Variants in HPCAL1 observed in about 807,000 individuals in gnomAD.
HPCAL1 encodes hippocalcin-like protein 1.
A neutral mutation model predicts 17.1 loss-of-function variants in HPCAL1; 8 were observed. The ratio of observed to expected loss-of-function variants is 0.47; its 90% CI spans 0.27 to 0.84. The LOEUF (loss-of-function observed/expected upper bound fraction) is 0.84. Among genes scored for constraint, HPCAL1 ranks in the 40% least tolerant of loss-of-function variants. The pLI is 0.13. For synonymous variants in HPCAL1, 112 were observed against 111.4 expected, an observed-to-expected ratio of 1.01 and a Z score of -0.03; for missense variants, 165 against 271.1, an observed-to-expected ratio of 0.61 and a Z score of 2.75.
At chr2:10,340,139 C>T (rs1664987076) in intron 1 of HPCAL1, among the ~76,000 whole-genome samples, 2 of 152,214 alleles carry the variant, frequency 1.3e-5, no homozygotes, top group Non-Finnish European at 2.9e-5. Flanking sequence ...ATCCCTGCCT[C>T]GGCTCCTCCC....
intron 2 of HPCAL1, among the ~76,000 whole-genome samples, chr2:10,418,432 G>A (rs959513700): frequency 2.1e-4 from 24 of 114,632 alleles, no homozygotes; most frequent in Admixed American, 3.3e-4. Flanking sequence ...GGGCAACACA[G>A]TGAGACTCCA....
chr2:10,398,371 T>C (rs1174233533), intron 2 of HPCAL1, among the ~76,000 whole-genome samples: 2 of 152,346 alleles, frequency 1.3e-5, no homozygotes, highest in East Asian at 3.9e-4. Context: ...AGATGCTCTT[T>C]ATAATTTTCA....
At position 10,331,336 on chromosome 2, in the gene HPCAL1, C is replaced by A. The variant is rs529490602; in HGVS notation, c.-111+28159C>A. The stretch of plus-strand genomic sequence containing the variant: ...GAGCGCCCTCTCCTTCCTCACCTCG[C>A]CACCTACGCATCGTCACCCCTCCTC... On this transcript the variant is annotated intron_variant, in intron 1 of 4. Transcript: ENST00000307845. This position sits in a 1 kb window ranked among gnomAD's most constrained non-coding sequence, Gnocchi z 5.0. Among the ~76,000 whole-genome samples the A allele has an allele frequency of 1.5e-4, 23 of 152,274 alleles. No homozygotes were observed. The highest frequency in any genetic ancestry group is 3.4e-3 in the Middle Eastern group (1 of 294).
intron 1 of HPCAL1, among the ~76,000 whole-genome samples, chr2:10,349,142 A>G (rs1283386244): frequency 1.3e-5 from 2 of 152,134 alleles, no homozygotes. Flanking sequence ...GCGTTTCCAA[A>G]TTTCTTCCCT....
intron 1 of HPCAL1, among the ~76,000 whole-genome samples, chr2:10,371,842 C>T (rs990638409): frequency 2.6e-4 from 39 of 152,286 alleles, no homozygotes; most frequent in African/African-American, 8.7e-4. Context: ...CCCTTGGGGA[C>T]GTCTGGCTTT....
chr2:10,364,551 G>A (rs1454739405), intron 1 of HPCAL1, among the ~76,000 whole-genome samples: 9 of 152,060 alleles, frequency 5.9e-5, no homozygotes, highest in East Asian at 3.9e-4. Context: ...TTCCCTCCCC[G>A]GCCCTGACGG....
At chr2:10,383,372 C>CT (rs1354645892) in intron 1 of HPCAL1, among the ~76,000 whole-genome samples, 1 of 151,482 alleles carries the variant, frequency 6.6e-6, no homozygotes, top group South Asian at 2.1e-4. Context: ...ACCCACCCCC[C>CT]TTTTTTTTCA....
intron 1 of HPCAL1, among the ~76,000 whole-genome samples, chr2:10,332,489 G>A (rs923487739): frequency 2.6e-5 from 4 of 152,176 alleles, no homozygotes; most frequent in Non-Finnish European, 5.9e-5. Flanking sequence ...GGTGGGCAAG[G>A]CAGGGTGGGA....
chr2:10,399,484 T>C (rs867998228), intron 2 of HPCAL1, among the ~76,000 whole-genome samples: 2,046 of 34,144 alleles, frequency 0.06, 75 homozygotes, highest in African/African-American at 0.11. Context: ...ATCACCACCA[T>C]CACCGCCACC....
intron 1 of HPCAL1, among the ~76,000 whole-genome samples, chr2:10,376,104 A>T (rs1224475780): frequency 6.6e-6 from 1 of 152,160 alleles, no homozygotes; most frequent in African/African-American, 2.4e-5. Context: ...GCCATGTGAC[A>T]CATTGGCTCC....
chr2:10,419,879 G>T lies in HPCAL1; in HGVS notation c.122G>T (p.Gly41Val). The change falls in exon 3 of 5, where the codon GGC (glycine) becomes GTC (valine). Residue 41 changes from glycine to valine, a missense_variant. Physicochemically the swap from Gly to Val is moderately radical, Grantham distance 109. Coordinates refer to ENST00000307845, the MANE Select transcript of HPCAL1 (RefSeq NM_002149.4). This position sits in a 1 kb window ranked among gnomAD's most constrained non-coding sequence, Gnocchi z 5.0. ...GGCTTCCTCAAGGACTGCCCCACCG[G>T]CCACCTGACCGTGGACGAGTTCAAG... ...YKGFLKDCPT[G>V]HLTVDEFKKI... 6.2e-7 allele frequency: 1 copy of T among 1,613,876 alleles called. No homozygotes were observed. Among genetic ancestry groups the T allele is most frequent in the Non-Finnish European group, 8.5e-7 (1 of 1,179,990 alleles).
chr2:10,415,030 A>G (rs972804620), intron 2 of HPCAL1, among the ~76,000 whole-genome samples: 2 of 152,216 alleles, frequency 1.3e-5, no homozygotes, highest in African/African-American at 4.8e-5. Context: ...AAGGGATGGG[A>G]AAATGGGCCC....
rs149586130 is a variant in HPCAL1 at position 10,390,324 on chromosome 2, CTTGAA to C, written c.-110-6505_-110-6501del. Among the ~76,000 whole-genome samples the C allele has an allele frequency of 2.4e-3, 358 of 152,282 alleles. 2 individuals carry two copies. The highest frequency in any genetic ancestry group is 8.1e-3 in the African/African-American group (338 of 41,544). ...CATAGGCTCCTCTGTAACTCAGTTT[CTTGAA>C]TTGAACAATGGAAGAAAATGCCTCT... On this transcript the variant is annotated intron_variant, in intron 1 of 4. Coordinates refer to ENST00000307845, the MANE Select transcript of HPCAL1 (RefSeq NM_002149.4).
At chr2:10,361,174 G>A (rs1187264170) in intron 1 of HPCAL1, among the ~76,000 whole-genome samples, 2 of 150,002 alleles carry the variant, frequency 1.3e-5, no homozygotes, top group African/African-American at 2.5e-5. Context: ...TTCCAGGCGA[G>A]TCCGTGGGCT....
chr2:10,347,616 G>A (rs372753409), intron 1 of HPCAL1, among the ~76,000 whole-genome samples: 32 of 152,256 alleles, frequency 2.1e-4, no homozygotes, highest in African/African-American at 3.9e-4. Context: ...TTCAGGCCCC[G>A]CTCTGGCTGT....
chr2:10,418,279 A>AAAT (rs61037391), intron 2 of HPCAL1, among the ~76,000 whole-genome samples: 16,949 of 150,848 alleles, frequency 0.11, 2,210 homozygotes, highest in East Asian at 0.69. Flanking sequence ...ATAAATAAAT[A>AAAT]AATAAATAGC....
intron 1 of HPCAL1, among the ~76,000 whole-genome samples, chr2:10,335,501 C>T (rs1664660868): frequency 6.6e-6 from 1 of 152,220 alleles, no homozygotes; most frequent in Non-Finnish European, 1.5e-5. Context: ...AGACCTTGAG[C>T]CAGATTCCCA....
chr2:10,348,928 G>C (rs1665652166), intron 1 of HPCAL1, among the ~76,000 whole-genome samples: 1 of 152,186 alleles, frequency 6.6e-6, no homozygotes, highest in Admixed American at 6.5e-5. Context: ...TAACCAAAGA[G>C]CTCAGGAAAG....
chr2:10,310,612 G>C lies in HPCAL1; in HGVS notation c.-111+7435G>C, dbSNP rs1455858475. Among the ~76,000 whole-genome samples the C allele has an allele frequency of 2.0e-5, 3 of 152,158 alleles. No individual in the cohort carries two copies. Among genetic ancestry groups the C allele is most frequent in the Non-Finnish European group, 2.9e-5 (2 of 68,030 alleles). ...TCCCTGATGCACCTACAGAGACCCT[G>C]AGCTTGGTGGTGGGGGTTGCACAGA... On this transcript the variant is annotated intron_variant, in intron 1 of 4. Coordinates refer to ENST00000307845, the MANE Select transcript of HPCAL1 (RefSeq NM_002149.4). This position sits in a 1 kb window ranked among gnomAD's most constrained non-coding sequence, Gnocchi z 4.5.
Sources: allele counts gnomAD v4.1 joint callset (sites outside exome capture counted in the v4.1 genomes callset), GRCh38; gene constraint gnomAD v4.1.1; non-coding constraint Gnocchi (gnomAD v3.1); transcripts MANE v1.5; gene names NCBI Gene and HGNC (gene_info 2026-07-23, HGNC 2026-07-21).